Variants in GABRB1 observed in about 807,000 individuals in gnomAD.
GABRB1 encodes the protein gamma-aminobutyric acid receptor subunit beta-1.
In GABRB1, 17 loss-of-function variants were observed where a neutral mutation model predicts 51.6. The observed-to-expected ratio is 0.33, with a 90% CI of 0.23 to 0.49. The LOEUF is 0.49. Ranked by LOEUF, GABRB1 falls within the 20% of genes least tolerant of loss-of-function variation. The probability of loss-of-function intolerance (pLI) is 0.99; values close to 1 mark genes in which losing one functional copy is unlikely to be tolerated. For synonymous variants in GABRB1, 247 were observed against 218.9 expected, an observed-to-expected ratio of 1.13 and a Z score of -1.14; for missense variants, 410 against 600.6, an observed-to-expected ratio of 0.68 and a Z score of 3.32.
chr4:47,091,313 T>G (rs932193599), intron 3 of GABRB1, among the ~76,000 whole-genome samples: 1 of 152,200 alleles, frequency 6.6e-6, no homozygotes, highest in African/African-American at 2.4e-5. Context: ...AACTTTTAAC[T>G]TCTCTTAAAT....
chr4:47,178,619 T>C (rs1718802702), intron 4 of GABRB1, among the ~76,000 whole-genome samples: 1 of 152,158 alleles, frequency 6.6e-6, no homozygotes, highest in Non-Finnish European at 1.5e-5. Flanking sequence ...AAAGAAGCTG[T>C]ATGTGCTGAA....
At chr4:47,243,110 C>T (rs1366499800) in intron 4 of GABRB1, among the ~76,000 whole-genome samples, 1 of 152,162 alleles carries the variant, frequency 6.6e-6, no homozygotes, top group Non-Finnish European at 1.5e-5. Context: ...ATATGGCTAG[C>T]CAGTTTTCCC....
At chr4:47,112,508 C>CT (rs1715268307) in intron 3 of GABRB1, among the ~76,000 whole-genome samples, 1 of 152,168 alleles carries the variant, frequency 6.6e-6, no homozygotes. Context: ...CCACTGAATA[C>CT]TTTATGTAAT....
chr4:47,312,432 T>A (rs1273802486), intron 4 of GABRB1, among the ~76,000 whole-genome samples: 1 of 152,044 alleles, frequency 6.6e-6, no homozygotes, highest in Non-Finnish European at 1.5e-5. Context: ...AAAAAATCTA[T>A]GTACTCTTTA....
At chr4:47,351,819 T>C (rs1434212169) in intron 5 of GABRB1, among the ~76,000 whole-genome samples, 2 of 152,026 alleles carry the variant, frequency 1.3e-5, no homozygotes, top group African/African-American at 4.8e-5. Context: ...TTGTTGGACA[T>C]TTGGGTTGGT....
chr4:47,074,194 GCA>G (rs1370249862), intron 3 of GABRB1, among the ~76,000 whole-genome samples: 1 of 151,966 alleles, frequency 6.6e-6, no homozygotes, highest in Non-Finnish European at 1.5e-5. Flanking sequence ...ATCCCTACAA[GCA>G]AATACACTAA....
intron 5 of GABRB1, among the ~76,000 whole-genome samples, chr4:47,323,746 C>G (rs1725162892): frequency 6.6e-6 from 1 of 152,052 alleles, no homozygotes; most frequent in Non-Finnish European, 1.5e-5. Context: ...AAATGTTTTC[C>G]TTGGTTGGGT....
At chr4:47,001,439 G>A (rs1724215103) in intron 1 of GABRB1, among the ~76,000 whole-genome samples, 1 of 152,176 alleles carries the variant, frequency 6.6e-6, no homozygotes, top group African/African-American at 2.4e-5. Flanking sequence ...ACCATGCCCG[G>A]CCAGATATTA....
At chr4:47,320,748 T>C (rs961977651) in intron 5 of GABRB1, among the ~76,000 whole-genome samples, 1 of 150,824 alleles carries the variant, frequency 6.6e-6, no homozygotes, top group Non-Finnish European at 1.5e-5. Flanking sequence ...GCTTTTTCAC[T>C]GATTGTTTTC....
chr4:46,996,138 A>G lies in GABRB1; in HGVS notation c.-20+2212A>G, dbSNP rs73813768. Among the ~76,000 whole-genome samples the G allele has an allele frequency of 5.7e-3, 864 of 151,860 alleles. 10 individuals carry two copies. Among genetic ancestry groups the G allele is most frequent in the African/African-American group, 0.019 (799 of 41,420 alleles). On this transcript the variant is annotated intron_variant, in intron 1 of 3. Coordinates refer to the GABRB1 transcript ENST00000513567. ...AATTTACTTTAACTTATGAATATAA[A>G]TATGCTATTGTTTCCCATGTAAACT...
chr4:47,170,403 GCA>G (rs747687264), intron 4 of GABRB1, among the ~76,000 whole-genome samples: 36 of 136,690 alleles, frequency 2.6e-4, no homozygotes, highest in East Asian at 1.3e-3. Flanking sequence ...ACACACACAC[GCA>G]CACACACACA....
chr4:47,204,736 C>G (rs943089107), intron 4 of GABRB1, among the ~76,000 whole-genome samples: 4 of 152,242 alleles, frequency 2.6e-5, no homozygotes, highest in South Asian at 2.1e-4. Context: ...CTGCCACCAT[C>G]CAAGTAAGAT....
intron 4 of GABRB1, among the ~76,000 whole-genome samples, chr4:47,311,849 C>G (rs1006016903): frequency 6.6e-6 from 1 of 152,066 alleles, no homozygotes; most frequent in African/African-American, 2.4e-5. Context: ...TAGCTTGAAC[C>G]CGCAATCCAT....
At chr4:47,353,473 G>A (rs751718010) in intron 5 of GABRB1, among the ~76,000 whole-genome samples, 3 of 152,090 alleles carry the variant, frequency 2.0e-5, no homozygotes, top group Non-Finnish European at 4.4e-5. Flanking sequence ...GCAAATCTTG[G>A]TATAAATGCC....
intron 3 of GABRB1, among the ~76,000 whole-genome samples, chr4:47,124,042 A>C (rs78301642): frequency 2.1e-5 from 3 of 142,200 alleles, no homozygotes; most frequent in African/African-American, 7.9e-5. Flanking sequence ...ACCTGAAAAA[A>C]ATATATATAT....
intron 4 of GABRB1, among the ~76,000 whole-genome samples, chr4:47,201,611 G>A (rs1382120485): frequency 6.6e-6 from 1 of 152,132 alleles, no homozygotes; most frequent in African/African-American, 2.4e-5. Flanking sequence ...AGCAGTATTG[G>A]AAAGGTGCTA....
chr4:47,116,159 G>T lies in GABRB1; in HGVS notation c.241-45090G>T, dbSNP rs1715468009. Among the ~76,000 whole-genome samples the T allele has an allele frequency of 2.0e-5, 3 of 151,970 alleles. No homozygotes were observed. The South Asian group carries it at 6.2e-4, about 32-fold the overall frequency. On this transcript the variant is annotated intron_variant, in intron 3 of 8. Transcript: ENST00000295454. Reference sequence around the variant, plus strand: ...TACAGAAAAATAAATTGTCAAGTTTGGTACACTCTACAACTAGTTACTTAA... The same window carrying T: ...TACAGAAAAATAAATTGTCAAGTTTTGTACACTCTACAACTAGTTACTTAA...
intron 5 of GABRB1, among the ~76,000 whole-genome samples, chr4:47,396,579 A>AG (rs1471694039): frequency 6.6e-6 from 1 of 152,172 alleles, no homozygotes; most frequent in Non-Finnish European, 1.5e-5. Flanking sequence ...AAATTTTTAT[A>AG]GTTATATTCT....
At chr4:47,049,199 G>C (rs1726236483) in intron 3 of GABRB1, among the ~76,000 whole-genome samples, 1 of 152,124 alleles carries the variant, frequency 6.6e-6, no homozygotes, top group Non-Finnish European at 1.5e-5. Context: ...AGGTTTGCTA[G>C]CAAAGGCGAT....
Sources: gnomAD v4.1 joint callset for allele counts (sites outside exome capture counted in the v4.1 genomes callset) on GRCh38, gnomAD v4.1.1 for gene constraint, MANE v1.5 for transcripts, NCBI Gene and HGNC (gene_info 2026-07-23, HGNC 2026-07-21) for gene names.